CALD1: variants seen among roughly 807,000 people sequenced by gnomAD.
The protein encoded by CALD1 is caldesmon.
Under a neutral mutation model 99.9 loss-of-function variants are expected in CALD1, and 33 were observed. The observed-to-expected ratio is 0.33, with a 90% CI of 0.25 to 0.44. The LOEUF (loss-of-function observed/expected upper bound fraction) is 0.44, where lower values mean the gene tolerates loss of function less well. Ranked by LOEUF, CALD1 falls within the 20% of genes least tolerant of loss-of-function variation. The pLI, the probability that CALD1 is intolerant of heterozygous loss-of-function variation, is 1.00. For synonymous variants in CALD1, 310 were observed against 325.0 expected, an observed-to-expected ratio of 0.95 and a Z score of 0.50; for missense variants, 861 against 962.1, an observed-to-expected ratio of 0.89 and a Z score of 1.39.
chr7:134,801,192 G>T (rs1797928823), intron 1 of CALD1, among the ~76,000 whole-genome samples: 1 of 151,904 alleles, frequency 6.6e-6, no homozygotes, highest in South Asian at 2.1e-4. Flanking sequence ...CTATTCTAGA[G>T]AATATTTCTA....
chr7:134,790,766 A>G (rs1797496901), intron 1 of CALD1, among the ~76,000 whole-genome samples: 2 of 152,236 alleles, frequency 1.3e-5, no homozygotes, highest in African/African-American at 4.8e-5. Flanking sequence ...TAGTTTAACA[A>G]GCAGTTTCCA....
intron 3 of CALD1, among the ~76,000 whole-genome samples, chr7:134,880,574 T>C (rs1801551438): frequency 6.6e-6 from 1 of 152,196 alleles, no homozygotes; most frequent in Non-Finnish European, 1.5e-5. Flanking sequence ...ACTTCTTCCT[T>C]GAACAATTCT....
At chr7:134,849,602 C>T (rs569081822) in intron 2 of CALD1, among the ~76,000 whole-genome samples, 19 of 151,596 alleles carry the variant, frequency 1.3e-4, no homozygotes, top group African/African-American at 4.1e-4. Context: ...TTTTTAATTG[C>T]GTTGGTTTTT....
At chr7:134,802,119 T>C (rs1325954307) in intron 1 of CALD1, among the ~76,000 whole-genome samples, 1 of 152,124 alleles carries the variant, frequency 6.6e-6, no homozygotes, top group East Asian at 1.9e-4. Context: ...AGTATATATA[T>C]ATATATGTAT....
At chr7:134,951,594 T>C (rs538199972) in intron 9 of CALD1, among the ~76,000 whole-genome samples, 6 of 152,314 alleles carry the variant, frequency 3.9e-5, no homozygotes, top group South Asian at 4.1e-4. Context: ...AAATGTGACT[T>C]GGAAAGGGTC....
chr7:134,799,156 T>C (rs1797854932), intron 1 of CALD1, among the ~76,000 whole-genome samples: 1 of 152,210 alleles, frequency 6.6e-6, no homozygotes, highest in South Asian at 2.1e-4. Context: ...ACTGAATCAA[T>C]AAAGTTGAAA....
intron 1 of CALD1, among the ~76,000 whole-genome samples, chr7:134,830,275 T>G (rs1334176572): frequency 6.6e-6 from 1 of 152,244 alleles, no homozygotes; most frequent in Non-Finnish European, 1.5e-5. Flanking sequence ...TAGAATTTAT[T>G]CTTTCTTCAC....
chr7:134,944,947 G>A (rs1806741623), intron 7 of CALD1, among the ~76,000 whole-genome samples: 2 of 152,150 alleles, frequency 1.3e-5, no homozygotes, highest in African/African-American at 4.8e-5. Flanking sequence ...AATTATCAGT[G>A]TTCTAACTGT....
chr7:134,800,725 A>G (rs1265365836), intron 1 of CALD1, among the ~76,000 whole-genome samples: 1 of 152,096 alleles, frequency 6.6e-6, no homozygotes, highest in Admixed American at 6.5e-5. Context: ...GATTATGTAC[A>G]GGATGTCTGA....
chr7:134,928,929 C>G (rs1563104299), intron 4 of CALD1, 29 bp downstream of exon 4: 1 of 1,581,038 alleles, frequency 6.3e-7, no homozygotes, highest in Non-Finnish European at 8.6e-7. Flanking sequence ...CGGGGAGTTT[C>G]TAACTTGCGT....
rs763838291 is a variant in CALD1, at chr7:134,928,905, TG to T, written c.218+6del. ...GGAGGTGAATGCCCAGAACAGGTAC[TG>T]TCCTCTTTGGGACGGGGAGTTTCTA... is the stretch of plus-strand genomic sequence containing the variant. On this transcript the variant is annotated splice_donor_region_variant and intron_variant, in intron 4 of 14. Coordinates refer to ENST00000361675, the MANE Select transcript of CALD1 (RefSeq NM_033138.4). 1 of 1,600,904 alleles carries T rather than the reference TG, an allele frequency of 6.2e-7. No individual in the cohort carries two copies. Among genetic ancestry groups the T allele is most frequent in the Non-Finnish European group, 8.5e-7 (1 of 1,172,394 alleles).
intron 2 of CALD1, among the ~76,000 whole-genome samples, chr7:134,861,361 T>C (rs1198955552): frequency 6.6e-6 from 1 of 152,174 alleles, no homozygotes; most frequent in Non-Finnish European, 1.5e-5. Context: ...TGGAGTATGT[T>C]GTACCCAGAA....
intron 3 of CALD1, among the ~76,000 whole-genome samples, chr7:134,893,904 C>T (rs1481809724): frequency 6.6e-6 from 1 of 152,080 alleles, no homozygotes; most frequent in African/African-American, 2.4e-5. Context: ...TTGAGAAGTA[C>T]ACAATTTTCA....
chr7:134,747,436 C>T (rs866366382), intron 1 of CALD1, among the ~76,000 whole-genome samples: 1 of 152,192 alleles, frequency 6.6e-6, no homozygotes, highest in Non-Finnish European at 1.5e-5. Context: ...CAGTAAGATT[C>T]GTGATGCCAA....
the CALD1 span, among the ~76,000 whole-genome samples, chr7:134,735,563 C>CTGTGTG: frequency 0.056 from 7,652 of 137,786 alleles, 232 homozygotes; most frequent in South Asian, 0.079. Context: ...CCCCACTACC[C>CTGTGTG]TCTGTGTGTG....
chr7:134,888,212 T>A (rs148919406), intron 3 of CALD1, among the ~76,000 whole-genome samples: 2 of 152,256 alleles, frequency 1.3e-5, no homozygotes, highest in Non-Finnish European at 2.9e-5. Context: ...AAGGATACTA[T>A]GAGTAATCTC....
chr7:134,722,329 C>A, the CALD1 span, among the ~76,000 whole-genome samples: 661 of 152,188 alleles, frequency 4.3e-3, 4 homozygotes, highest in African/African-American at 0.015. Context: ...TTCTTCTAAT[C>A]TTTTGATTTT....
chr7:134,842,684 A>G (rs978686567), intron 1 of CALD1, among the ~76,000 whole-genome samples: 3 of 152,236 alleles, frequency 2.0e-5, no homozygotes, highest in African/African-American at 7.2e-5. Flanking sequence ...CATTTGGAAA[A>G]TGCCATCTTT....
chr7:134,776,404 T>C (rs187430492), upstream of CALD1, among the ~76,000 whole-genome samples: 20 of 152,288 alleles, frequency 1.3e-4, no homozygotes, highest in African/African-American at 4.3e-4. Context: ...TCTACTTCTC[T>C]TATTTATTTT....
Sources: allele counts gnomAD v4.1 joint callset (sites outside exome capture counted in the v4.1 genomes callset), GRCh38; gene constraint gnomAD v4.1.1; transcripts MANE v1.5; gene names NCBI Gene and HGNC (gene_info 2026-07-23, HGNC 2026-07-21).